The following ST6GAL1 variants were observed in gnomAD, a reference collection of about 807,000 sequenced individuals.
ST6GAL1 encodes the protein ST6 beta-galactoside alpha-2,6-sialyltransferase 1.
ST6GAL1 carries 20 observed loss-of-function variants against 38.0 expected under a neutral mutation model. That is an observed-to-expected ratio of 0.53 (90% CI 0.37 to 0.77). The LOEUF (loss-of-function observed/expected upper bound fraction) is 0.77. ST6GAL1 is among the 30% of genes least tolerant of loss of function. The pLI, the probability that ST6GAL1 is intolerant of heterozygous loss-of-function variation, is 0.00. For synonymous variants in ST6GAL1, 196 were observed against 188.2 expected, an observed-to-expected ratio of 1.04 and a Z score of -0.34; for missense variants, 432 against 496.4, an observed-to-expected ratio of 0.87 and a Z score of 1.23.
At position 187,042,925 on chromosome 3, in the gene ST6GAL1, C is replaced by G; in HGVS notation, c.222C>G (p.Gly74=). 6.2e-7 allele frequency: 1 copy of G among 1,614,198 alleles called. No individual in the cohort carries two copies. Among genetic ancestry groups the G allele is most frequent in the Non-Finnish European group, 8.5e-7 (1 of 1,180,036 alleles). Residue 74 remains glycine, a synonymous_variant, in exon 4 of 8, where the codon GGC becomes GGG. Coordinates refer to ENST00000169298, the MANE Select transcript of ST6GAL1 (RefSeq NM_173216.2). The part of the protein sequence containing the change: ...SSSSTQDPHR[G]RQTLGSLRGL... ...GCAGCACCCAGGACCCCCACAGGGGCCGCCAGACCCTCGGCAGTCTCAGAG... is the reference window on the plus strand; with the variant it reads ...GCAGCACCCAGGACCCCCACAGGGGGCGCCAGACCCTCGGCAGTCTCAGAG...
rs372537701 is a variant in ST6GAL1 at position 187,012,669 on chromosome 3, CGG to C, written c.-182-26071_-182-26070del. On this transcript the variant is annotated intron_variant, in intron 2 of 7. Transcript: ENST00000169298. ...AGTCCTGAGCAAGGGTGCTGCTGAT[CGG>C]GCACAGAGCCATTTCTCCTGAAATC... 2.0e-3 allele frequency among the ~76,000 whole-genome samples: 303 copies of C among 152,370 alleles called. 3 individuals are homozygous for C. Among genetic ancestry groups the C allele is most frequent in the African/African-American group, 6.9e-3 (285 of 41,592 alleles).
chr3:186,998,616 G>GA (rs897664126), intron 2 of ST6GAL1, among the ~76,000 whole-genome samples: 6 of 151,990 alleles, frequency 3.9e-5, no homozygotes, highest in Admixed American at 2.6e-4. Flanking sequence ...AACTTTTATT[G>GA]AAAAAATCTG....
rs760550180 is a variant in ST6GAL1, at chr3:186,995,534, A to G, written c.-183+31608A>G. On this transcript the variant is annotated intron_variant, in intron 2 of 7. Transcript: ENST00000169298. ...AAAAAAATAATAATAAAATAAAAAA[A>G]AAATAAAGAAATTGTTAAAATGCAG... 8.7e-4 allele frequency among the ~76,000 whole-genome samples: 130 copies of G among 149,286 alleles called. 2 individuals carry two copies. Among genetic ancestry groups the G allele is most frequent in the African/African-American group, 3.1e-3 (125 of 40,230 alleles).
rs766322444 is a variant in ST6GAL1, at chr3:187,078,303, G to A, written c.*2500G>A. 6.6e-6 allele frequency: 1 copy of A among 152,374 alleles called. No homozygotes were observed. The highest frequency in any genetic ancestry group is 1.5e-5 in the Non-Finnish European group (1 of 68,028). The allele number at this position is 152,374 out of a possible 1,614,324, so 9.4% of individuals were successfully genotyped here. On this transcript the variant is annotated 3_prime_UTR_variant, in exon 8 of 8. Transcript: ENST00000169298. Reference sequence around the variant, plus strand: ...ATGGACGTTATCATTGGTCTGGTGAGATGTTTCATATTTGTGACAGTTAAT... The same window carrying A: ...ATGGACGTTATCATTGGTCTGGTGAAATGTTTCATATTTGTGACAGTTAAT...
At chr3:187,031,209 G>C (rs541803172) in intron 2 of ST6GAL1, among the ~76,000 whole-genome samples, 3 of 152,336 alleles carry the variant, frequency 2.0e-5, no homozygotes, top group African/African-American at 4.8e-5. Context: ...TGGAAGCTGA[G>C]TGGGCATGGC....
intron 2 of ST6GAL1, among the ~76,000 whole-genome samples, chr3:187,001,795 A>G (rs941242615): frequency 1.3e-5 from 2 of 152,066 alleles, no homozygotes. Context: ...GTCTCTACTA[A>G]AAATACAAAA....
intron 1 of ST6GAL1, among the ~76,000 whole-genome samples, chr3:186,938,295 G>A (rs561757318): frequency 2.0e-5 from 3 of 152,268 alleles, no homozygotes; most frequent in African/African-American, 7.2e-5. Context: ...CAAGCAAGTC[G>A]GGATTTGCTT....
chr3:187,021,120 C>T (rs1440151746), intron 2 of ST6GAL1, among the ~76,000 whole-genome samples: 14 of 152,070 alleles, frequency 9.2e-5, no homozygotes, highest in Admixed American at 7.2e-4. Context: ...CATGCCACCA[C>T]GCCCGGCTAA....
intron 2 of ST6GAL1, among the ~76,000 whole-genome samples, chr3:187,000,865 A>T (rs942096093): frequency 6.6e-6 from 1 of 152,218 alleles, no homozygotes; most frequent in Non-Finnish European, 1.5e-5. Context: ...TTTTGCTATT[A>T]ATCACCAGCA....
rs1240463787 is a variant in ST6GAL1, at chr3:186,952,927, GCTTAAA to G, written c.-324-10855_-324-10850del. 6.6e-6 allele frequency among the ~76,000 whole-genome samples: 1 copy of G among 152,104 alleles called. No individual in the cohort carries two copies. The highest frequency in any genetic ancestry group is 1.5e-5 in the Non-Finnish European group (1 of 68,012). ...CAATTTCATCTTTCCATCTTTTAGG[GCTTAAA>G]CTCTGGAGTCATTCTAAATTCTCTT... On this transcript the variant is annotated intron_variant, in intron 1 of 7. Transcript: ENST00000169298. This position sits in a 1 kb window ranked among gnomAD's most constrained non-coding sequence, Gnocchi z 4.1.
intron 2 of ST6GAL1, among the ~76,000 whole-genome samples, chr3:187,015,198 C>T (rs530172093): frequency 8.5e-5 from 13 of 152,294 alleles, no homozygotes; most frequent in African/African-American, 1.7e-4. Context: ...CTCTTGCGTA[C>T]GAAGGGACTG....
chr3:187,020,392 C>A (rs1475370119), intron 2 of ST6GAL1, among the ~76,000 whole-genome samples: 4 of 152,188 alleles, frequency 2.6e-5, no homozygotes, highest in African/African-American at 7.2e-5. Flanking sequence ...GTTTCAATTT[C>A]TTTATTTAAA....
chr3:186,953,850 A>G (rs957376090), intron 1 of ST6GAL1, among the ~76,000 whole-genome samples: 1 of 150,956 alleles, frequency 6.6e-6, no homozygotes, highest in Non-Finnish European at 1.5e-5. Flanking sequence ...TTTAAGTTCC[A>G]GGATACATGT....
chr3:187,043,947 C>T (rs1018917187), intron 4 of ST6GAL1: 5 of 152,274 alleles, frequency 3.3e-5, no homozygotes, highest in African/African-American at 1.2e-4. Flanking sequence ...GGGCTATGGA[C>T]CAACTTCAGA....
intron 2 of ST6GAL1, among the ~76,000 whole-genome samples, chr3:187,030,590 C>T (rs1324889806): frequency 6.6e-6 from 1 of 152,084 alleles, no homozygotes; most frequent in East Asian, 1.9e-4. Flanking sequence ...CCCGCCACCA[C>T]ACCCAGCTAA....
chr3:187,066,276 C>T (rs778799633), intron 5 of ST6GAL1, among the ~76,000 whole-genome samples: 81 of 152,122 alleles, frequency 5.3e-4, no homozygotes, highest in Admixed American at 1.2e-3. Flanking sequence ...ACTAGTTCTC[C>T]GAATCAGAGA....
At chr3:186,941,350 C>G (rs1215521551) in intron 1 of ST6GAL1, among the ~76,000 whole-genome samples, 1 of 152,032 alleles carries the variant, frequency 6.6e-6, no homozygotes, top group African/African-American at 2.4e-5. Context: ...TTCAAACCTA[C>G]CTGGAGTGTT....
intron 2 of ST6GAL1, among the ~76,000 whole-genome samples, chr3:186,994,350 A>T (rs77034670): frequency 0.01 from 1,530 of 152,302 alleles, 21 homozygotes; most frequent in African/African-American, 0.033. Context: ...TTAGTGTAAC[A>T]TGGTAGTAAA....
intron 2 of ST6GAL1, among the ~76,000 whole-genome samples, chr3:187,002,291 G>A (rs2108553477): frequency 6.6e-6 from 1 of 152,336 alleles, no homozygotes; most frequent in Non-Finnish European, 1.5e-5. Flanking sequence ...GTGTCAAACT[G>A]TCAGGTTTAT....
Sources: gnomAD v4.1 joint callset for allele counts (sites outside exome capture counted in the v4.1 genomes callset) on GRCh38, gnomAD v4.1.1 for gene constraint, Gnocchi (gnomAD v3.1) non-coding constraint, MANE v1.5 for transcripts, NCBI Gene and HGNC (gene_info 2026-07-23, HGNC 2026-07-21) for gene names.